The following SPTY2D1 variants were observed in gnomAD, a reference collection of about 807,000 sequenced individuals.
SPTY2D1 encodes the protein SPT2 chromatin protein domain containing 1.
Under a neutral mutation model 64.0 loss-of-function variants are expected in SPTY2D1, and 21 were observed. The observed-to-expected ratio is 0.33, with a 90% CI of 0.23 to 0.47. The LOEUF (loss-of-function observed/expected upper bound fraction) is 0.47. Ranked by LOEUF, SPTY2D1 falls within the 20% of genes least tolerant of loss-of-function variation. The pLI, the probability that SPTY2D1 is intolerant of heterozygous loss-of-function variation, is 1.00. For synonymous variants in SPTY2D1, 287 were observed against 286.8 expected, an observed-to-expected ratio of 1.00 and a Z score of -0.01; for missense variants, 724 against 837.2, an observed-to-expected ratio of 0.86 and a Z score of 1.67.
In SPTY2D1 at chr11:18,615,973, T is replaced by C. The variant is rs117446236; in HGVS notation, c.301A>G (p.Ile101Val). ...DNFHGYNGIP[I>V]EEKSKKRQAT... ...TGCCTCTTCTTTGACTTTTCCTCAATAGGAATCCCATTGTAACCATGGAAA... is the reference window on the plus strand; with the variant it reads ...TGCCTCTTCTTTGACTTTTCCTCAACAGGAATCCCATTGTAACCATGGAAA... The change falls in exon 3 of 6, where the codon ATT becomes GTT. Residue 101 changes from isoleucine (I) to valine (V), a missense_variant. Around this residue, in one of 3 missense-constraint regions of SPTY2D1, gnomAD observed 179 missense variants for 232.5 expected, o/e 0.77. Transcript: ENST00000336349. The C allele has an allele frequency of 4.5e-3, 7,263 of 1,614,252 alleles. 20 individuals carry two copies. The highest frequency in any genetic ancestry group is 5.3e-3 in the Non-Finnish European group (6,272 of 1,180,042).
intron 2 of SPTY2D1, among the ~76,000 whole-genome samples, chr11:18,616,337 C>A (rs1455263654): frequency 6.6e-6 from 1 of 152,156 alleles, no homozygotes; most frequent in Non-Finnish European, 1.5e-5. Context: ...CAAAATACTT[C>A]AAACCAAATA....
intron 1 of SPTY2D1, 100 bp downstream of exon 1, chr11:18,634,098 C>T (rs1854630397): frequency 5.9e-6 from 8 of 1,361,180 alleles, no homozygotes; most frequent in Admixed American, 3.6e-5. Flanking sequence ...CTTTCCTCTC[C>T]CGGAGCCGAT....
At position 18,612,247 on chromosome 11, in the gene SPTY2D1, C is replaced by T; in HGVS notation, c.1886+67G>A. The T allele has an allele frequency of 7.5e-7, 1 of 1,338,350 alleles. No homozygotes were observed. Among genetic ancestry groups the T allele is most frequent in the Non-Finnish European group, 1.0e-6 (1 of 984,576 alleles). 82.9% of individuals were successfully genotyped at this position (1,338,350 alleles called of 1,614,324 possible). ...AGTGCCTCCACTATTAGTTTATTAC[C>T]CCATGACATGAATTATTCAAAATAA... On this transcript the variant is annotated intron_variant, in intron 4 of 5. Transcript: ENST00000336349. The surrounding 1 kb of genome is among the most constrained non-coding windows in gnomAD (Gnocchi z 4.6).
intron 1 of SPTY2D1, among the ~76,000 whole-genome samples, chr11:18,617,714 G>C (rs909885578): frequency 1.3e-5 from 2 of 151,762 alleles, no homozygotes; most frequent in Admixed American, 6.6e-5. Context: ...GGCTGAGGTG[G>C]GAGGATTACC....
Position 18,615,659 on chromosome 11 carries a change from T to TCG in SPTY2D1, c.613_614dup (p.Phe207AsnfsTer264). 1 of 1,614,256 alleles carries TCG rather than the reference T, an allele frequency of 6.2e-7. No individual in the cohort carries two copies. Among genetic ancestry groups the TCG allele is most frequent in the Non-Finnish European group, 8.5e-7 (1 of 1,180,050 alleles). On this transcript the variant is annotated frameshift_variant, in exon 3 of 6. Transcript: ENST00000336349. LOFTEE classifies it high-confidence loss of function. ...TCCTATGCTTTCGTTCAAGGAATTC[T>TCG]CGCTCCCTAAGTTCTTCTGCGGTCA...
At chr11:18,622,086 C>G (rs568134105) in intron 1 of SPTY2D1, among the ~76,000 whole-genome samples, 1 of 11,832 alleles carries the variant, frequency 8.5e-5, no homozygotes, top group African/African-American at 2.4e-4. Context: ...GACCCTATCT[C>G]AAAAAAAAAA....
chr11:18,633,107 T>C (rs921054589), intron 1 of SPTY2D1, among the ~76,000 whole-genome samples: 1 of 151,504 alleles, frequency 6.6e-6, no homozygotes, highest in Non-Finnish European at 1.5e-5. Context: ...TGTGTGTGTG[T>C]ATATATACAT....
Position 18,616,955 on chromosome 11 carries a change from T to C in SPTY2D1, c.95A>G (p.Lys32Arg), listed in dbSNP as rs777219845. ...RYSLAVGPPKKDPKVKGVQSA... is the reference protein window; with the variant it reads ...RYSLAVGPPKRDPKVKGVQSA... ...TTGGACACCTTTAACTTTTGGGTCTTTTTTTGGAGGCCCCACTGCCAAACT... is the reference window on the plus strand; with the variant it reads ...TTGGACACCTTTAACTTTTGGGTCTCTTTTTGGAGGCCCCACTGCCAAACT... Residue 32 changes from lysine to arginine, a missense_variant, in exon 2 of 6, where the codon AAA becomes AGA. By Grantham distance (26) the Lys-to-Arg change is conservative. Around this residue, in one of 3 missense-constraint regions of SPTY2D1, gnomAD observed 179 missense variants for 232.5 expected, o/e 0.77. Coordinates refer to ENST00000336349, the MANE Select transcript of SPTY2D1 (RefSeq NM_194285.3). 7.4e-6 allele frequency: 12 copies of C among 1,614,036 alleles called. No homozygotes were observed. Among genetic ancestry groups the C allele is most frequent in the African/African-American group, 4.0e-5 (3 of 74,920 alleles).
intron 1 of SPTY2D1, among the ~76,000 whole-genome samples, chr11:18,625,757 G>T (rs1427144981): frequency 6.8e-4 from 1 of 1,462 alleles, no homozygotes. Context: ...TGTAGAGATT[G>T]GGGGGGGGGT....
rs1554987436 is a variant in SPTY2D1, at chr11:18,610,686, A to AAAAAAAAAAAAAAAAAAC, written c.1965-733_1965-732insGTTTTTTTTTTTTTTTTT. ...GTCTCTTAAAAAAAAAAAAAAAAAA[A>AAAAAAAAAAAAAAAAAAC]AACAACAATACTATAAACAAAGTAA... On this transcript the variant is annotated intron_variant, in intron 5 of 5. Transcript: ENST00000336349. Among the ~76,000 whole-genome samples, 165 of 147,228 alleles carry AAAAAAAAAAAAAAAAAAC rather than the reference A, an allele frequency of 1.1e-3. 1 individual carries two copies. The highest frequency in any genetic ancestry group is 2.0e-3 in the Non-Finnish European group (135 of 66,546).
Position 18,615,261 on chromosome 11 carries a change from T to C in SPTY2D1, c.1013A>G (p.Glu338Gly). Residue 338 changes from glutamate (E) to glycine (G), a missense_variant, in exon 3 of 6, where the codon GAG (glutamate) becomes GGG (glycine). Glu to Gly is a moderately conservative substitution (Grantham distance 98, BLOSUM62 -2). Transcript: ENST00000336349. ...GGACAGAGATTTTTTGGCTTTGTGC[T>C]CAACAGCAGATTTCTGAGTCCTGCT... The part of the protein sequence containing the change: ...SASRTQKSAV[E>G]HKAKKSLSHP... 6.2e-7 allele frequency: 1 copy of C among 1,614,216 alleles called. No individual in the cohort carries two copies. The highest frequency in any genetic ancestry group is 8.5e-7 in the Non-Finnish European group (1 of 1,180,038).
rs1854410080 is a variant in SPTY2D1 at position 18,621,830 on chromosome 11, T to A, written c.61-4841A>T. On this transcript the variant is annotated intron_variant, in intron 1 of 5. Coordinates refer to ENST00000336349, the MANE Select transcript of SPTY2D1 (RefSeq NM_194285.3). ...GGTCAGGCATAGTGGCTCACACCTG[T>A]AATTCCAGCACTTTGGGAGGCTAAT... Among the ~76,000 whole-genome samples, 3 of 152,244 alleles carry A rather than the reference T, an allele frequency of 2.0e-5. No individual in the cohort carries two copies. In the South Asian group the frequency reaches 6.2e-4, roughly 32 times the overall value.
chr11:18,622,954 AAACAACAACAAC>A (rs71050619), intron 1 of SPTY2D1, among the ~76,000 whole-genome samples: 27 of 149,332 alleles, frequency 1.8e-4, no homozygotes, highest in Admixed American at 6.0e-4. Context: ...CTCTGTCTCA[AAACAACAACAAC>A]AACAACAACA....
At chr11:18,629,350 A>G (rs542147114) in intron 1 of SPTY2D1, among the ~76,000 whole-genome samples, 169 of 152,226 alleles carry the variant, frequency 1.1e-3, no homozygotes, top group African/African-American at 3.8e-3. Flanking sequence ...CTAAAAATAC[A>G]AAAGTTAGCT....
rs1027742676 is a variant in SPTY2D1 at position 18,606,619 on chromosome 11, A to G, written c.*3242T>C. On this transcript the variant is annotated 3_prime_UTR_variant, in exon 6 of 6. Coordinates refer to ENST00000336349, the MANE Select transcript of SPTY2D1 (RefSeq NM_194285.3). ...TCTATCTCACTCTTAATCATACACT[A>G]AACGTCTGAATATTTAATCACATCC... The G allele has an allele frequency of 2.8e-6, 1 of 363,150 alleles. No individual in the cohort carries two copies. The highest frequency in any genetic ancestry group is 2.0e-5 in the South Asian group (1 of 48,908). 22.5% of individuals were successfully genotyped at this position (363,150 alleles called of 1,614,324 possible). A position where few individuals can be genotyped will look rare whatever the true frequency, so the allele number is the denominator to read the frequency against.
chr11:18,622,239 T>C (rs1188203936), intron 1 of SPTY2D1, among the ~76,000 whole-genome samples: 2 of 151,848 alleles, frequency 1.3e-5, no homozygotes, highest in Non-Finnish European at 2.9e-5. Flanking sequence ...TTTGGAAATA[T>C]CTTTGAATGG....
chr11:18,629,622 G>A (rs1288312954), intron 1 of SPTY2D1, among the ~76,000 whole-genome samples: 4 of 152,286 alleles, frequency 2.6e-5, no homozygotes, highest in South Asian at 4.1e-4. Flanking sequence ...AAAATCAAGT[G>A]CAAGTTTACC....
At chr11:18,610,144 T>TG (rs1365493103) in intron 5 of SPTY2D1, 190 bp from the exon 6 acceptor site, 1 of 498,616 alleles carries the variant, frequency 2.0e-6, no homozygotes, top group African/African-American at 1.9e-5. Flanking sequence ...CAAATTGTCG[T>TG]GGGAAAAAGA....
intron 1 of SPTY2D1, among the ~76,000 whole-genome samples, chr11:18,633,708 G>A (rs1455026878): frequency 1.3e-5 from 2 of 152,134 alleles, no homozygotes; most frequent in South Asian, 2.1e-4. Context: ...TGAGTGGGTG[G>A]GGCCGAGTCA....
Sources: allele counts gnomAD v4.1 joint callset (sites outside exome capture counted in the v4.1 genomes callset), GRCh38; gene constraint gnomAD v4.1.1; regional missense constraint gnomAD v4.1.1; non-coding constraint Gnocchi (gnomAD v3.1); transcripts MANE v1.5; gene names NCBI Gene and HGNC (gene_info 2026-07-23, HGNC 2026-07-21).